The following HMG20A variants were observed in gnomAD, a reference collection of about 807,000 sequenced individuals.
HMG20A encodes high mobility group protein 20A.
HMG20A carries 17 observed loss-of-function variants against 43.9 expected under a neutral mutation model. The observed-to-expected ratio is 0.39, with a 90% CI of 0.27 to 0.58. The LOEUF (loss-of-function observed/expected upper bound fraction) is 0.58, where lower values mean the gene tolerates loss of function less well. Among genes scored for constraint, HMG20A ranks in the 20% least tolerant of loss-of-function variants. The pLI, the probability that HMG20A is intolerant of heterozygous loss-of-function variation, is 0.59. For synonymous variants in HMG20A, 132 were observed against 147.5 expected, an observed-to-expected ratio of 0.89 and a Z score of 0.76; for missense variants, 341 against 438.2, an observed-to-expected ratio of 0.78 and a Z score of 1.98.
At chr15:77,443,379 GATT>G (rs58715798) in intron 1 of HMG20A, among the ~76,000 whole-genome samples, 1,629 of 131,250 alleles carry the variant, frequency 0.012, 23 homozygotes, top group South Asian at 0.033. Flanking sequence ...TGATGATGAT[GATT>G]ATTATTATTA....
chr15:77,438,981 G>T (rs556069369), intron 1 of HMG20A, among the ~76,000 whole-genome samples: 1 of 151,866 alleles, frequency 6.6e-6, no homozygotes, highest in South Asian at 2.1e-4. Flanking sequence ...TTTTAGTAGA[G>T]ACGGGGTATC....
intron 1 of HMG20A, among the ~76,000 whole-genome samples, chr15:77,428,237 T>C (rs1005282297): frequency 3.3e-5 from 5 of 152,170 alleles, no homozygotes; most frequent in Non-Finnish European, 5.9e-5. Context: ...GATGATCAGG[T>C]ACCTACTACC....
At chr15:77,498,924 A>AT in the HMG20A span, among the ~76,000 whole-genome samples, 12 of 152,092 alleles carry the variant, frequency 7.9e-5, no homozygotes, top group African/African-American at 2.2e-4. Context: ...TGCTGTTGTG[A>AT]TTTTTTTATA....
At chr15:77,497,672 AGAGAGAGAGAGTGTGT>A in the HMG20A span, among the ~76,000 whole-genome samples, 13 of 126,906 alleles carry the variant, frequency 1.0e-4, no homozygotes, top group Admixed American at 8.9e-4. Flanking sequence ...AGAGAGAGAG[AGAGAGAGAGAGTGTGT>A]GTGTGTGTGT....
At chr15:77,445,452 G>A (rs570969956) in intron 1 of HMG20A, among the ~76,000 whole-genome samples, 1 of 152,282 alleles carries the variant, frequency 6.6e-6, no homozygotes, top group East Asian at 1.9e-4. Flanking sequence ...ACCCCCGGTA[G>A]GATGCCCGAA....
At position 77,465,005 on chromosome 15, in the gene HMG20A, A is replaced by C. The variant is rs189973622; in HGVS notation, c.237+618A>C. On this transcript the variant is annotated intron_variant, in intron 3 of 9. Coordinates refer to ENST00000336216, the MANE Select transcript of HMG20A (RefSeq NM_001304504.2). ...CCGGGCATGGTAGCTCATGCCTGTA[A>C]TCCTAGCACTTTGGGATGCCAAGGC... Among the ~76,000 whole-genome samples the C allele has an allele frequency of 1.1e-4, 16 of 152,056 alleles. 1 individual carries two copies. In the East Asian group the frequency reaches 2.7e-3, roughly 26 times the overall value.
intron 1 of HMG20A, among the ~76,000 whole-genome samples, chr15:77,439,863 G>A (rs1200107094): frequency 6.6e-6 from 1 of 152,010 alleles, no homozygotes; most frequent in South Asian, 2.1e-4. Context: ...GAGAATTTCA[G>A]TTCCTCTCCA....
At chr15:77,481,160 T>G (rs1345587440) in intron 9 of HMG20A, among the ~76,000 whole-genome samples, 9 of 152,188 alleles carry the variant, frequency 5.9e-5, no homozygotes, top group Non-Finnish European at 1.2e-4. Flanking sequence ...GTGATGCCCT[T>G]GGATGGTAAC....
At position 77,470,813 on chromosome 15, in the gene HMG20A, C is replaced by T. The variant is rs879540832; in HGVS notation, c.451-97C>T. On this transcript the variant is annotated intron_variant, in intron 4 of 9. Transcript: ENST00000336216. ...GCATATTCCCTATATTCTTTTCTTC[C>T]CATGTTCTAATTGTCCTGTTTTCTT... 96 of 1,053,466 alleles carry T rather than the reference C, an allele frequency of 9.1e-5. 1 individual carries two copies. The highest frequency in any genetic ancestry group is 4.4e-5 in the Non-Finnish European group (34 of 771,838). The allele number at this position is 1,053,466 out of a possible 1,614,324, so 65.3% of individuals were successfully genotyped here. A position where few individuals can be genotyped will look rare whatever the true frequency, so the allele number is the denominator to read the frequency against.
At chr15:77,518,009 T>TA in the HMG20A span, among the ~76,000 whole-genome samples, 7 of 151,650 alleles carry the variant, frequency 4.6e-5, no homozygotes, top group African/African-American at 1.7e-4. Context: ...TAGCAGATGT[T>TA]AAAAAAAAAT....
intron 1 of HMG20A, among the ~76,000 whole-genome samples, chr15:77,439,680 AG>A (rs2073590272): frequency 6.6e-6 from 1 of 152,196 alleles, no homozygotes; most frequent in South Asian, 2.1e-4. Flanking sequence ...TTATTTAAAA[AG>A]CTGCTATGAA....
intron 1 of HMG20A, among the ~76,000 whole-genome samples, chr15:77,422,521 C>G (rs2073378041): frequency 6.6e-6 from 1 of 152,164 alleles, no homozygotes; most frequent in Admixed American, 6.5e-5. Context: ...GAGGCTGAGG[C>G]AGGAGAATTG....
At chr15:77,456,003 T>C (rs2072650841) in intron 1 of HMG20A, among the ~76,000 whole-genome samples, 1 of 152,164 alleles carries the variant, frequency 6.6e-6, no homozygotes, top group African/African-American at 2.4e-5. Flanking sequence ...CCCACTTTAT[T>C]ACTCATTTCT....
At chr15:77,455,224 A>ATTTC (rs1235793769) in intron 1 of HMG20A, among the ~76,000 whole-genome samples, 3 of 150,426 alleles carry the variant, frequency 2.0e-5, no homozygotes, top group African/African-American at 7.4e-5. Flanking sequence ...GTTGAGGAAC[A>ATTTC]TTTCTTAAGT....
the HMG20A span, among the ~76,000 whole-genome samples, chr15:77,516,687 C>T: frequency 4.3e-4 from 65 of 152,094 alleles, no homozygotes; most frequent in African/African-American, 1.5e-3. Flanking sequence ...AACTCCACCC[C>T]GAGGCTTTGC....
chr15:77,499,094 G>T, the HMG20A span, among the ~76,000 whole-genome samples: 1 of 152,140 alleles, frequency 6.6e-6, no homozygotes, highest in African/African-American at 2.4e-5. Context: ...CAAGTCTCCA[G>T]GAAAATAAAT....
the HMG20A span, among the ~76,000 whole-genome samples, chr15:77,501,163 C>T: frequency 6.6e-6 from 1 of 152,204 alleles, no homozygotes; most frequent in South Asian, 2.1e-4. Flanking sequence ...AGTAAGCACT[C>T]AGTAGTAAGT....
chr15:77,443,027 CTTTTTTTTT>C (rs998172099), intron 1 of HMG20A, among the ~76,000 whole-genome samples: 1 of 118,662 alleles, frequency 8.4e-6, no homozygotes, highest in Non-Finnish European at 1.7e-5. Context: ...CTACTTTGAA[CTTTTTTTTT>C]TTTTTTTTTT....
At chr15:77,501,424 G>C in the HMG20A span, among the ~76,000 whole-genome samples, 1 of 152,154 alleles carries the variant, frequency 6.6e-6, no homozygotes, top group African/African-American at 2.4e-5. Context: ...CTTCTTTTAA[G>C]TGACTCCTCT....
Sources: allele counts gnomAD v4.1 joint callset (sites outside exome capture counted in the v4.1 genomes callset), GRCh38; gene constraint gnomAD v4.1.1; transcripts MANE v1.5; gene names NCBI Gene and HGNC (gene_info 2026-07-23, HGNC 2026-07-21).